The following PDE4B variants were observed in gnomAD, a reference collection of about 807,000 sequenced individuals.
PDE4B encodes the protein 3',5'-cyclic-AMP phosphodiesterase 4B.
Under a neutral mutation model 82.2 loss-of-function variants are expected in PDE4B, and 20 were observed. The ratio of observed to expected loss-of-function variants is 0.24; its 90% CI spans 0.17 to 0.35. PDE4B has a LOEUF of 0.35. Among genes scored for constraint, PDE4B ranks in the 10% least tolerant of loss-of-function variants. PDE4B has a pLI of 1.00. For synonymous variants in PDE4B, 320 were observed against 318.9 expected (o/e 1.00, Z -0.04); for missense variants, 655 against 907.2 (o/e 0.72, Z 3.57).
At chr1:66,060,902 G>A (rs539582091) in intron 3 of PDE4B, among the ~76,000 whole-genome samples, 8 of 151,832 alleles carry the variant, frequency 5.3e-5, no homozygotes, top group African/African-American at 1.9e-4. Context: ...TGTTTCAGTG[G>A]GGGTATCTTT....
chr1:65,877,622 A>G (rs1571055817), intron 1 of PDE4B, among the ~76,000 whole-genome samples: 12 of 148,312 alleles, frequency 8.1e-5, no homozygotes, highest in Admixed American at 6.7e-4. Flanking sequence ...CTAAAAAATA[A>G]ATAAATAAAT....
At chr1:65,846,959 C>A (rs1407737228) in intron 1 of PDE4B, among the ~76,000 whole-genome samples, 1 of 152,106 alleles carries the variant, frequency 6.6e-6, no homozygotes, top group Non-Finnish European at 1.5e-5. Flanking sequence ...GGTATTGATT[C>A]AATGTGGGAA....
At chr1:65,846,671 G>A (rs1212641592) in intron 1 of PDE4B, among the ~76,000 whole-genome samples, 1 of 152,158 alleles carries the variant, frequency 6.6e-6, no homozygotes, top group Non-Finnish European at 1.5e-5. Context: ...TATTTCCAAA[G>A]CTTTCTGGAG....
intron 3 of PDE4B, among the ~76,000 whole-genome samples, chr1:66,178,188 C>A (rs1327949137): frequency 6.6e-6 from 1 of 151,650 alleles, no homozygotes; most frequent in African/African-American, 2.4e-5. Flanking sequence ...TCAAAATAAA[C>A]AAAAATTTAT....
chr1:66,363,042 A>G, intron 10 of PDE4B, 126 bp from the exon 11 acceptor site: 1 of 631,656 alleles, frequency 1.6e-6, no homozygotes, highest in East Asian at 2.8e-5. Context: ...TTTTCACACA[A>G]CTAAAGCACT....
chr1:66,023,858 G>A (rs2100776211), intron 3 of PDE4B, among the ~76,000 whole-genome samples: 1 of 148,192 alleles, frequency 6.7e-6, no homozygotes, highest in Middle Eastern at 3.4e-3. Context: ...GGGCACTCTT[G>A]ATTTCAGTTA....
chr1:65,858,259 A>G (rs1271607861), intron 1 of PDE4B, among the ~76,000 whole-genome samples: 1 of 152,194 alleles, frequency 6.6e-6, no homozygotes, highest in Non-Finnish European at 1.5e-5. Context: ...AAATTCATAT[A>G]ATCAGCGTTT....
rs531869377 is a variant in PDE4B at position 66,329,621 on chromosome 1, C to T, written c.635-2887C>T. ...TCAATGCCAGGCCTTAGGATTTCTC[C>T]AATTGCCATTAGTAATTCTCCTATG... is the stretch of plus-strand genomic sequence containing the variant. On this transcript the variant is annotated intron_variant, in intron 7 of 16. Coordinates refer to ENST00000341517, the MANE Select transcript of PDE4B (RefSeq NM_002600.4). Among the ~76,000 whole-genome samples the T allele has an allele frequency of 2.6e-5, 4 of 152,288 alleles. No individual in the cohort carries two copies. The East Asian group carries it at 5.8e-4, about 22-fold the overall frequency.
intron 8 of PDE4B, among the ~76,000 whole-genome samples, chr1:66,340,245 T>G (rs1188379507): frequency 1.3e-5 from 2 of 152,374 alleles, no homozygotes; most frequent in Middle Eastern, 3.4e-3. Context: ...TGTATTTCAC[T>G]GTAACTTCCT....
chr1:66,041,314 A>T (rs918076146), intron 3 of PDE4B, among the ~76,000 whole-genome samples: 3 of 151,952 alleles, frequency 2.0e-5, no homozygotes, highest in Non-Finnish European at 4.4e-5. Flanking sequence ...ATGTTCCAGC[A>T]TTTGCTCAAT....
intron 3 of PDE4B, chr1:66,050,436 A>G (rs1276033187): frequency 1.3e-5 from 2 of 152,070 alleles, no homozygotes; most frequent in Admixed American, 6.6e-5. Flanking sequence ...AAGAAAGTAT[A>G]ATGGACAGTG....
chr1:65,853,524 A>G (rs894789185), intron 1 of PDE4B, among the ~76,000 whole-genome samples: 1 of 148,200 alleles, frequency 6.7e-6, no homozygotes, highest in African/African-American at 2.5e-5. Flanking sequence ...CTTATGCATT[A>G]TAACCCTTTT....
intron 1 of PDE4B, among the ~76,000 whole-genome samples, chr1:65,866,292 A>C (rs1271480777): frequency 1.3e-5 from 2 of 152,200 alleles, no homozygotes; most frequent in Non-Finnish European, 2.9e-5. Flanking sequence ...ATTTAAGCCA[A>C]CACCAAAAAC....
intron 8 of PDE4B, chr1:66,354,299 A>G (rs2102000460): frequency 3.0e-6 from 2 of 671,816 alleles, no homozygotes; most frequent in Non-Finnish European, 3.7e-6. Flanking sequence ...TCTGCAGTGG[A>G]GAGAGAGGGT....
At chr1:66,163,557 A>G (rs1409619086) in intron 3 of PDE4B, among the ~76,000 whole-genome samples, 1 of 152,126 alleles carries the variant, frequency 6.6e-6, no homozygotes, top group Non-Finnish European at 1.5e-5. Context: ...CATATTAAAG[A>G]ATTACTCATG....
intron 3 of PDE4B, among the ~76,000 whole-genome samples, chr1:65,944,988 A>G (rs1352807135): frequency 6.6e-6 from 1 of 151,998 alleles, no homozygotes; most frequent in Non-Finnish European, 1.5e-5. Context: ...CCTGATCATC[A>G]AGGAAAGTTA....
At chr1:66,106,047 G>T (rs1645345522) in intron 3 of PDE4B, among the ~76,000 whole-genome samples, 2 of 151,862 alleles carry the variant, frequency 1.3e-5, no homozygotes, top group Non-Finnish European at 2.9e-5. Context: ...TCCAGTTTGT[G>T]CCCATTCAGT....
chr1:65,984,434 A>G (rs1343868214), intron 3 of PDE4B, among the ~76,000 whole-genome samples: 1 of 152,210 alleles, frequency 6.6e-6, no homozygotes, highest in Non-Finnish European at 1.5e-5. Flanking sequence ...ATGTGTGTCA[A>G]CTTTCATAGA....
At chr1:66,130,423 T>C (rs1199685426) in intron 3 of PDE4B, among the ~76,000 whole-genome samples, 1 of 152,224 alleles carries the variant, frequency 6.6e-6, no homozygotes, top group Non-Finnish European at 1.5e-5. Flanking sequence ...TCCACATACA[T>C]GATCTCATTT....
Sources: gnomAD v4.1 joint callset for allele counts (sites outside exome capture counted in the v4.1 genomes callset) on GRCh38, gnomAD v4.1.1 for gene constraint, MANE v1.5 for transcripts, NCBI Gene and HGNC (gene_info 2026-07-23, HGNC 2026-07-21) for gene names.